Variants in ABCB10 observed in about 807,000 individuals in gnomAD.
ABCB10 encodes ATP-binding cassette sub-family B member 10, mitochondrial.
A neutral mutation model predicts 65.4 loss-of-function variants in ABCB10; 54 were observed. The ratio of observed to expected loss-of-function variants is 0.83; its 90% CI spans 0.66 to 1.04. ABCB10 has a LOEUF of 1.04. Among genes scored for constraint, ABCB10 ranks in the 50% least tolerant of loss-of-function variants. The pLI is 0.00. For synonymous variants in ABCB10, 418 were observed against 406.5 expected (o/e 1.03, Z -0.34); for missense variants, 846 against 976.6 (o/e 0.87, Z 1.78).
At chr1:229,524,871 T>G (rs1031332282) in intron 10 of ABCB10, among the ~76,000 whole-genome samples, 5 of 152,096 alleles carry the variant, frequency 3.3e-5, no homozygotes, top group African/African-American at 4.8e-5. Context: ...TTTTTTTTTT[T>G]GGGACAGAGT....
At chr1:229,544,498 T>C (rs1662924094) in intron 3 of ABCB10, among the ~76,000 whole-genome samples, 1 of 151,460 alleles carries the variant, frequency 6.6e-6, no homozygotes, top group South Asian at 2.1e-4. Flanking sequence ...ATTAATAAAT[T>C]GGCAGTATGC....
chr1:229,547,410 C>A, intron 3 of ABCB10, 89 bp downstream of exon 3: 1 of 1,478,588 alleles, frequency 6.8e-7, no homozygotes, highest in Non-Finnish European at 9.3e-7. Flanking sequence ...TGATGCGAAC[C>A]GCTCAGCTTG....
intron 10 of ABCB10, among the ~76,000 whole-genome samples, chr1:229,524,858 A>AT (rs1020445624): frequency 0.013 from 1,852 of 146,246 alleles, 38 homozygotes; most frequent in African/African-American, 0.041. Context: ...AAAACCCACA[A>AT]TTTTTTTTTT....
intron 3 of ABCB10, among the ~76,000 whole-genome samples, chr1:229,543,057 G>T (rs529206603): frequency 3.6e-4 from 55 of 151,764 alleles, no homozygotes; most frequent in African/African-American, 1.3e-3. Context: ...CTTGAACCCG[G>T]GAGGTGGAGG....
chr1:229,522,916 C>G (rs959849756), intron 10 of ABCB10, among the ~76,000 whole-genome samples: 2 of 152,142 alleles, frequency 1.3e-5, no homozygotes, highest in Admixed American at 1.3e-4. Context: ...GTAGTGCAAT[C>G]ATGGCTCACT....
At chr1:229,532,575 T>C (rs1444612262) in intron 6 of ABCB10, among the ~76,000 whole-genome samples, 1 of 151,092 alleles carries the variant, frequency 6.6e-6, no homozygotes, top group Non-Finnish European at 1.5e-5. Context: ...TACAATGTAA[T>C]GCTATGTTTA....
chr1:229,549,372 T>C lies in ABCB10; in HGVS notation c.580A>G (p.Lys194Glu). 1 of 1,614,020 alleles carries C rather than the reference T, an allele frequency of 6.2e-7. No individual in the cohort carries two copies. The highest frequency in any genetic ancestry group is 1.3e-5 in the African/African-American group (1 of 74,988). ...TTGGTATAGATGACATCAATGATCT[T>C]CCCCAGGAAGAAAGGGGCAGACATG... ...ISMSAPFFLGKIIDVIYTNPT... is the reference protein window; with the variant it reads ...ISMSAPFFLGEIIDVIYTNPT... Residue 194 changes from lysine to glutamate, a missense_variant, in exon 2 of 13, where the codon AAG becomes GAG. Coordinates refer to ENST00000344517, the MANE Select transcript of ABCB10 (RefSeq NM_012089.3).
intron 8 of ABCB10, among the ~76,000 whole-genome samples, chr1:229,527,704 T>C (rs1364945808): frequency 6.6e-6 from 1 of 152,206 alleles, no homozygotes; most frequent in Non-Finnish European, 1.5e-5. Context: ...GCACGAATAC[T>C]GGCAGAGGTG....
intron 3 of ABCB10, among the ~76,000 whole-genome samples, chr1:229,546,164 T>A (rs1329115562): frequency 7.1e-6 from 1 of 140,732 alleles, no homozygotes; most frequent in Non-Finnish European, 1.5e-5. Context: ...AGTGCGATAC[T>A]CCGTCTCAAA....
At position 229,558,150 on chromosome 1, in the gene ABCB10, C is replaced by A; in HGVS notation, c.503G>T (p.Arg168Leu). Residue 168 changes from arginine (R) to leucine (L), a missense_variant, in exon 1 of 13, where the codon CGC (arginine) becomes CTC (leucine). Around this residue, in one of 2 missense-constraint regions of ABCB10, gnomAD observed 632 missense variants for 803.2 expected, o/e 0.79. Transcript: ENST00000344517. ...GAGGACCCTACCTGCCAGCCTCCGG[C>A]GCTCAGGGTACGCCAGCCCCAGGAG... The part of the protein sequence containing the change: ...RKLLGLAYPE[R>L]RRLAAAVGFL... 7.1e-7 allele frequency: 1 copy of A among 1,416,806 alleles called. No individual in the cohort carries two copies. The highest frequency in any genetic ancestry group is 9.2e-7 in the Non-Finnish European group (1 of 1,088,252). The allele number at this position is 1,416,806 out of a possible 1,614,324, so 87.8% of individuals were successfully genotyped here. A position where few individuals can be genotyped will look rare whatever the true frequency, so the allele number is the denominator to read the frequency against.
At chr1:229,528,731 T>C (rs1662500352) in intron 8 of ABCB10, among the ~76,000 whole-genome samples, 1 of 152,012 alleles carries the variant, frequency 6.6e-6, no homozygotes, top group African/African-American at 2.4e-5. Flanking sequence ...TCTCACTATG[T>C]TACCCGGGCT....
In ABCB10 at chr1:229,558,488, C is replaced by T. The variant is rs1484021455; in HGVS notation, c.165G>A (p.Gly55=). 21 of 1,306,060 alleles carry T rather than the reference C, an allele frequency of 1.6e-5. No homozygotes were observed. The highest frequency in any genetic ancestry group is 1.9e-5 in the Non-Finnish European group (20 of 1,026,308). 80.9% of individuals were successfully genotyped at this position (1,306,060 alleles called of 1,614,324 possible). The change falls in exon 1 of 13, where the codon GGG becomes GGA. Residue 55 remains glycine, a synonymous_variant. Transcript: ENST00000344517. ...GLRPARLWGA[G]PALLWGVGAA... ...CTCCAACGCCCCAGAGCAGCGCGGG[C>T]CCCGCGCCCCATAGCCGCGCCGGCC...
chr1:229,547,401 G>T, intron 3 of ABCB10, 98 bp downstream of exon 3: 1 of 1,409,106 alleles, frequency 7.1e-7, no homozygotes, highest in Non-Finnish European at 9.8e-7. Flanking sequence ...CTTACAGAAT[G>T]ATGCGAACCG....
At chr1:229,524,705 A>G (rs1662393488) in intron 10 of ABCB10, among the ~76,000 whole-genome samples, 1 of 152,226 alleles carries the variant, frequency 6.6e-6, no homozygotes, top group African/African-American at 2.4e-5. Context: ...TCTATTCAGC[A>G]AATTATGGCC....
At chr1:229,523,009 C>A (rs985675621) in intron 10 of ABCB10, among the ~76,000 whole-genome samples, 1 of 152,200 alleles carries the variant, frequency 6.6e-6, no homozygotes, top group East Asian at 1.9e-4. Context: ...CCACCATGCC[C>A]GGCTAACATA....
intron 6 of ABCB10, among the ~76,000 whole-genome samples, chr1:229,534,447 C>T (rs1027367929): frequency 4.6e-5 from 7 of 151,972 alleles, no homozygotes; most frequent in African/African-American, 9.7e-5. Flanking sequence ...CAATGCTGGC[C>T]GGGTGCGGTG....
chr1:229,541,763 G>C (rs953545671), intron 4 of ABCB10, among the ~76,000 whole-genome samples: 1 of 151,910 alleles, frequency 6.6e-6, no homozygotes, highest in Non-Finnish European at 1.5e-5. Context: ...AACACAGTAA[G>C]ATCATGTCTC....
In ABCB10 at chr1:229,518,191, A is replaced by G; in HGVS notation, c.2205T>C (p.Phe735=). ...AGTAATTGCTTCCTTATGCTGAAATAAAACTTTGTTTGTTCATTAGTTTTC... is the reference window on the plus strand; with the variant it reads ...AGTAATTGCTTCCTTATGCTGAAATGAAACTTTGTTTGTTCATTAGTTTTC... The part of the protein sequence containing the change: ...IYRKLMNKQS[F]ISA The change falls in exon 13 of 13, where the codon TTT becomes TTC. Residue 735 remains phenylalanine, a synonymous_variant. Coordinates refer to ENST00000344517, the MANE Select transcript of ABCB10 (RefSeq NM_012089.3). 1 of 1,613,594 alleles carries G rather than the reference A, an allele frequency of 6.2e-7. No homozygotes were observed. Among genetic ancestry groups the G allele is most frequent in the Non-Finnish European group, 8.5e-7 (1 of 1,179,502 alleles).
At chr1:229,529,991 A>G (rs1282932535) in intron 8 of ABCB10, among the ~76,000 whole-genome samples, 1 of 152,216 alleles carries the variant, frequency 6.6e-6, no homozygotes, top group East Asian at 1.9e-4. Flanking sequence ...GACACATTAC[A>G]CACAAAAAGC....
Sources: gnomAD v4.1 joint callset for allele counts (sites outside exome capture counted in the v4.1 genomes callset) on GRCh38, gnomAD v4.1.1 for gene constraint, gnomAD v4.1.1 regional missense constraint, MANE v1.5 for transcripts, NCBI Gene and HGNC (gene_info 2026-07-23, HGNC 2026-07-21) for gene names.